The following RPGRIP1L variants were observed in gnomAD, a reference collection of about 807,000 sequenced individuals.
RPGRIP1L encodes the protein protein fantom.
In RPGRIP1L, 131 loss-of-function variants were observed where a neutral mutation model predicts 160.4. That is an observed-to-expected ratio of 0.82 (90% confidence interval 0.71 to 0.94). RPGRIP1L has a LOEUF of 0.94. Ranked by LOEUF, RPGRIP1L falls within the 40% of genes least tolerant of loss-of-function variation. The pLI is 0.00. For synonymous variants in RPGRIP1L, 510 were observed against 515.8 expected, an observed-to-expected ratio of 0.99 and a Z score of 0.15; for missense variants, 1,522 against 1,535.8, an observed-to-expected ratio of 0.99 and a Z score of 0.15.
At chr16:53,633,452 C>T (rs918603105) in intron 22 of RPGRIP1L, among the ~76,000 whole-genome samples, 1 of 152,108 alleles carries the variant, frequency 6.6e-6, no homozygotes, top group African/African-American at 2.4e-5. Flanking sequence ...TAAAACACTA[C>T]AAGAAAGCCT....
intron 16 of RPGRIP1L, 97 bp from the exon 17 acceptor site, chr16:53,646,100 A>AATT: frequency 2.7e-6 from 3 of 1,092,814 alleles, no homozygotes; most frequent in Non-Finnish European, 2.7e-6. Flanking sequence ...TCAATGACAA[A>AATT]AGCTGCATAT....
chr16:53,602,188 A>T lies in RPGRIP1L; in HGVS notation c.3836T>A (p.Val1279Asp), dbSNP rs1567785915. The T allele has an allele frequency of 6.2e-7, 1 of 1,606,858 alleles. No homozygotes were observed. The highest frequency in any genetic ancestry group is 8.5e-7 in the Non-Finnish European group (1 of 1,173,444). Residue 1279 changes from valine (V) to aspartate (D), a missense_variant and splice_region_variant, in exon 27 of 27, where the codon GTT becomes GAT. Physicochemically the swap from Val to Asp is radical, Grantham distance 152 (BLOSUM62 -3). Coordinates refer to ENST00000647211, the MANE Select transcript of RPGRIP1L (RefSeq NM_015272.5). Reference sequence around the variant, plus strand: ...TTCACCATCTGCTCGTGCATCAAAAACTAGGGAGAAAAGAGCAGGAAAGTG... The same window carrying T: ...TTCACCATCTGCTCGTGCATCAAAATCTAGGGAGAAAAGAGCAGGAAAGTG... ...GRDLIEQNID[V>D]FDARADGEGI...
intron 3 of RPGRIP1L, chr16:53,695,234 G>T (rs545163157): frequency 3.9e-5 from 26 of 662,314 alleles, no homozygotes; most frequent in Middle Eastern, 2.4e-4. Flanking sequence ...GATGTGTGTG[G>T]GATAATGGTC....
At chr16:53,616,751 C>A (rs16952396) in intron 24 of RPGRIP1L, among the ~76,000 whole-genome samples, 29,308 of 151,680 alleles carry the variant, frequency 0.19, 3,048 homozygotes, top group Middle Eastern at 0.29. Flanking sequence ...ATAAAATACC[C>A]TGCAGTAAAG....
chr16:53,679,404 T>G (rs941660964), intron 6 of RPGRIP1L, among the ~76,000 whole-genome samples: 1 of 152,082 alleles, frequency 6.6e-6, no homozygotes, highest in African/African-American at 2.4e-5. Context: ...ATCTGATTTT[T>G]TTTTCCTTTT....
At chr16:53,647,280 CA>C (rs1303376099) in intron 16 of RPGRIP1L, among the ~76,000 whole-genome samples, 2 of 152,028 alleles carry the variant, frequency 1.3e-5, no homozygotes, top group Non-Finnish European at 2.9e-5. Flanking sequence ...TTCTATTTAG[CA>C]AAAACAACAA....
chr16:53,693,794 A>G (rs1970550742), intron 3 of RPGRIP1L: 1 of 152,164 alleles, frequency 6.6e-6, no homozygotes, highest in Non-Finnish European at 1.5e-5. Context: ...AGCCCCACCC[A>G]ATGGCCTGTG....
In RPGRIP1L at chr16:53,648,976, C is replaced by T; in HGVS notation, c.2292G>A (p.Glu764=). The change falls in exon 16 of 27, where the codon GAG becomes GAA. Residue 764 remains glutamate (E), a synonymous_variant. Transcript: ENST00000647211. The stretch of plus-strand genomic sequence containing the variant: ...CAAATGAGCTTACCGACTGCATATG[C>T]TCTGGCCCCTTAAAATTTGATGTTA... ...GYITSNFKGP[E]HMQSLSQQAP... The T allele has an allele frequency of 6.2e-7, 1 of 1,613,952 alleles. No homozygotes were observed. The highest frequency in any genetic ancestry group is 8.5e-7 in the Non-Finnish European group (1 of 1,179,866).
intron 6 of RPGRIP1L, among the ~76,000 whole-genome samples, chr16:53,677,836 C>A (rs539683975): frequency 6.6e-6 from 1 of 152,142 alleles, no homozygotes; most frequent in East Asian, 1.9e-4. Flanking sequence ...TTTTAAGTGA[C>A]CTCCACACAA....
intron 15 of RPGRIP1L, among the ~76,000 whole-genome samples, chr16:53,651,820 C>T (rs1381167192): frequency 1.3e-5 from 2 of 151,972 alleles, no homozygotes; most frequent in Admixed American, 1.3e-4. Flanking sequence ...TTCCCAGTGC[C>T]TACTAACAGT....
At chr16:53,683,804 A>T (rs147046103) in intron 6 of RPGRIP1L, among the ~76,000 whole-genome samples, 182 of 152,286 alleles carry the variant, frequency 1.2e-3, no homozygotes, top group Non-Finnish European at 1.7e-3. Context: ...ATGAATGAAC[A>T]GGTACTAGGA....
chr16:53,637,753 T>C lies in RPGRIP1L; in HGVS notation c.3162A>G (p.Glu1054=), dbSNP rs2151036177. Reference sequence around the variant, plus strand: ...CATCTTCAGAAGATGCCAAGCTTTGTTCTGCAAGCTGACCTTCAGATAGTA... The same window carrying C: ...CATCTTCAGAAGATGCCAAGCTTTGCTCTGCAAGCTGACCTTCAGATAGTA... The part of the protein sequence containing the change: ...VSLLSEGQLA[E]QSLASSEDET... Residue 1054 remains glutamate, a synonymous_variant, in exon 21 of 27, where the codon GAA becomes GAG. Coordinates refer to ENST00000647211, the MANE Select transcript of RPGRIP1L (RefSeq NM_015272.5). 1 of 1,612,888 alleles carries C rather than the reference T, an allele frequency of 6.2e-7. No individual in the cohort carries two copies. The highest frequency in any genetic ancestry group is 8.5e-7 in the Non-Finnish European group (1 of 1,179,814).
In RPGRIP1L at chr16:53,605,499, T is replaced by C. The variant is rs1352682459; in HGVS notation, c.3817A>G (p.Ile1273Val). ...CCCATACCATCGATATTTTGCTCAATGAGGTCCCTCCCTTCCTGAAACATG... is the reference window on the plus strand; with the variant it reads ...CCCATACCATCGATATTTTGCTCAACGAGGTCCCTCCCTTCCTGAAACATG... ...ADMFQEGRDL[I>V]EQNIDVFDAR... The change falls in exon 26 of 27, where the codon ATT becomes GTT. Residue 1273 changes from isoleucine (I) to valine (V), a missense_variant. Ile to Val is a conservative substitution (Grantham distance 29, BLOSUM62 3). Transcript: ENST00000647211. 1 of 1,614,160 alleles carries C rather than the reference T, an allele frequency of 6.2e-7. No homozygotes were observed. The highest frequency in any genetic ancestry group is 8.5e-7 in the Non-Finnish European group (1 of 1,180,036).
intron 7 of RPGRIP1L, among the ~76,000 whole-genome samples, chr16:53,674,368 T>C (rs923711553): frequency 6.6e-6 from 1 of 152,154 alleles, no homozygotes; most frequent in Non-Finnish European, 1.5e-5. Context: ...CCTATGTTAA[T>C]TATGCAGTGC....
intron 25 of RPGRIP1L, among the ~76,000 whole-genome samples, chr16:53,608,779 A>C (rs1050880948): frequency 6.6e-6 from 1 of 152,228 alleles, no homozygotes; most frequent in Non-Finnish European, 1.5e-5. Flanking sequence ...GAGTATTTAA[A>C]AAAGGTGAGA....
At chr16:53,681,900 C>A (rs1021517204) in intron 6 of RPGRIP1L, among the ~76,000 whole-genome samples, 3 of 152,186 alleles carry the variant, frequency 2.0e-5, no homozygotes, top group Non-Finnish European at 4.4e-5. Flanking sequence ...AATTTCAAAT[C>A]TGAAATAATG....
Position 53,657,497 on chromosome 16 carries a change from T to C in RPGRIP1L, c.1537A>G (p.Arg513Gly), listed in dbSNP as rs145704610. 12 of 1,613,096 alleles carry C rather than the reference T, an allele frequency of 7.4e-6. No homozygotes were observed. The highest frequency in any genetic ancestry group is 1.3e-5 in the African/African-American group (1 of 74,906). ...AETVQELEKT[R>G]NMLIMQHKIN... ...TTGTGTTGCATAATTAGCATGTTTCTTGTCTTTTCCAGCTCTTGCACCGTT... is the reference window on the plus strand; with the variant it reads ...TTGTGTTGCATAATTAGCATGTTTCCTGTCTTTTCCAGCTCTTGCACCGTT... Residue 513 changes from arginine to glycine, a missense_variant, in exon 13 of 27, where the codon AGA (arginine) becomes GGA (glycine). Physicochemically the swap from Arg to Gly is moderately radical, Grantham distance 125. Coordinates refer to ENST00000647211, the MANE Select transcript of RPGRIP1L (RefSeq NM_015272.5).
chr16:53,670,909 A>G (rs1038010493), intron 9 of RPGRIP1L, among the ~76,000 whole-genome samples: 1 of 152,148 alleles, frequency 6.6e-6, no homozygotes, highest in African/African-American at 2.4e-5. Context: ...AGCCTGAGCA[A>G]CATAGAAAGA....
At chr16:53,604,535 C>T (rs139026509) in intron 26 of RPGRIP1L, among the ~76,000 whole-genome samples, 89 of 152,288 alleles carry the variant, frequency 5.8e-4, no homozygotes, top group African/African-American at 2.0e-3. Flanking sequence ...CAATTTAGCA[C>T]GTTCTAAATA....
Sources: gnomAD v4.1 joint callset for allele counts (sites outside exome capture counted in the v4.1 genomes callset) on GRCh38, gnomAD v4.1.1 for gene constraint, MANE v1.5 for transcripts, NCBI Gene and HGNC (gene_info 2026-07-23, HGNC 2026-07-21) for gene names.